The following ZNRF1 variants were observed in gnomAD, a reference collection of about 807,000 sequenced individuals.
The protein encoded by ZNRF1 is zinc and ring finger 1, also known as E3 ubiquitin-protein ligase ZNRF1.
Under a neutral mutation model 18.4 loss-of-function variants are expected in ZNRF1, and 3 were observed. That is an observed-to-expected ratio of 0.16 (90% CI 0.07 to 0.42). The LOEUF (loss-of-function observed/expected upper bound fraction) is 0.42, where lower values mean the gene tolerates loss of function less well. Among genes scored for constraint, ZNRF1 ranks in the 10% least tolerant of loss-of-function variants. The pLI is 0.99. For missense variants in ZNRF1, 310 were observed against 329.8 expected (o/e 0.94, Z 0.47); for synonymous variants, 157 against 144.2 (o/e 1.09, Z -0.64).
chr16:75,097,625 G>T (rs1430838470), intron 2 of ZNRF1, among the ~76,000 whole-genome samples: 1 of 152,106 alleles, frequency 6.6e-6, no homozygotes, highest in African/African-American at 2.4e-5. Context: ...TTTGAAACCA[G>T]CCTGGGCAAC....
intron 1 of ZNRF1, among the ~76,000 whole-genome samples, chr16:75,085,063 G>A (rs949724014): frequency 6.6e-6 from 1 of 152,072 alleles, no homozygotes; most frequent in South Asian, 2.1e-4. Context: ...TGCAGACAAT[G>A]AAATCTCAAA....
intron 1 of ZNRF1, among the ~76,000 whole-genome samples, chr16:75,012,052 A>T (rs998928085): frequency 6.6e-6 from 1 of 152,188 alleles, no homozygotes; most frequent in East Asian, 1.9e-4. Context: ...TCACCAGGGG[A>T]ATTTTTGGTA....
At chr16:75,042,500 G>A (rs1440721184) in intron 1 of ZNRF1, among the ~76,000 whole-genome samples, 1 of 99,622 alleles carries the variant, frequency 1.0e-5, no homozygotes, top group Non-Finnish European at 1.9e-5. Flanking sequence ...AACATCATTT[G>A]TTGAAAAGAC....
At chr16:75,040,989 AG>A (rs2035440980) in intron 1 of ZNRF1, among the ~76,000 whole-genome samples, 1 of 152,208 alleles carries the variant, frequency 6.6e-6, no homozygotes, top group Admixed American at 6.5e-5. Flanking sequence ...ATTGCTAAAT[AG>A]TATTCCATTA....
At chr16:75,075,373 C>T (rs900835304) in intron 1 of ZNRF1, among the ~76,000 whole-genome samples, 2 of 152,242 alleles carry the variant, frequency 1.3e-5, no homozygotes, top group Non-Finnish European at 2.9e-5. Flanking sequence ...ATCGGAACTG[C>T]GGGTTGGGCA....
chr16:75,059,225 CTTTCTTTTTTTTTTTT>C (rs1372128481), intron 1 of ZNRF1, among the ~76,000 whole-genome samples: 46 of 97,294 alleles, frequency 4.7e-4, no homozygotes, highest in African/African-American at 6.2e-4. Flanking sequence ...TTCCTTCTTT[CTTTCTTTTTTTTTTTT>C]TTTCTTTTTT....
intron 1 of ZNRF1, among the ~76,000 whole-genome samples, chr16:75,009,114 C>G (rs1200576898): frequency 1.3e-5 from 2 of 152,160 alleles, no homozygotes; most frequent in African/African-American, 4.8e-5. Context: ...AAGCATGATT[C>G]ACCACTTTTT....
intron 1 of ZNRF1, among the ~76,000 whole-genome samples, chr16:75,056,154 T>A (rs1179846481): frequency 6.6e-6 from 1 of 152,200 alleles, no homozygotes; most frequent in East Asian, 1.9e-4. Flanking sequence ...TTATATATAG[T>A]TTGAAGTTTA....
At chr16:75,069,221 C>T (rs1297833672) in intron 1 of ZNRF1, among the ~76,000 whole-genome samples, 2 of 152,134 alleles carry the variant, frequency 1.3e-5, no homozygotes, top group African/African-American at 4.8e-5. Context: ...ACATAGACAT[C>T]TCCAGTATGG....
intron 2 of ZNRF1, among the ~76,000 whole-genome samples, chr16:75,101,893 T>A (rs140269978): frequency 1.8e-4 from 27 of 152,356 alleles, no homozygotes; most frequent in Middle Eastern, 3.4e-3. Flanking sequence ...GTTCATCCAC[T>A]ACTTGCCATG....
At chr16:75,081,430 C>T (rs772590047) in intron 1 of ZNRF1, among the ~76,000 whole-genome samples, 2 of 152,182 alleles carry the variant, frequency 1.3e-5, no homozygotes, top group Non-Finnish European at 2.9e-5. Context: ...CCTGTTTTAC[C>T]TAGAGAGCAG....
chr16:75,046,233 A>G (rs1028372898), intron 1 of ZNRF1, among the ~76,000 whole-genome samples: 1 of 149,320 alleles, frequency 6.7e-6, no homozygotes, highest in African/African-American at 2.5e-5. Context: ...ATAGGCCTCA[A>G]TGAGTTGGGT....
chr16:75,087,022 G>T (rs2036082674), intron 1 of ZNRF1, among the ~76,000 whole-genome samples: 1 of 152,184 alleles, frequency 6.6e-6, no homozygotes, highest in Admixed American at 6.5e-5. Flanking sequence ...TGAGAAATCA[G>T]GTCTTAAAGG....
At chr16:75,051,865 A>C (rs568430159) in intron 1 of ZNRF1, among the ~76,000 whole-genome samples, 1 of 152,244 alleles carries the variant, frequency 6.6e-6, no homozygotes, top group East Asian at 1.9e-4. Context: ...CTATTCATCT[A>C]TCCACTCCTT....
chr16:75,073,168 A>G (rs1244930629), intron 1 of ZNRF1, among the ~76,000 whole-genome samples: 1 of 82,448 alleles, frequency 1.2e-5, no homozygotes, highest in African/African-American at 4.1e-5. Context: ...CTCTGTCTAT[A>G]TATATGTATA....
intron 1 of ZNRF1, among the ~76,000 whole-genome samples, chr16:75,035,316 G>C (rs924067245): frequency 2.0e-5 from 3 of 152,240 alleles, no homozygotes; most frequent in East Asian, 1.9e-4. Flanking sequence ...TTACAGGCGT[G>C]AGCCGCTGCA....
At chr16:75,066,659 T>C (rs985541713) in intron 1 of ZNRF1, among the ~76,000 whole-genome samples, 2 of 152,078 alleles carry the variant, frequency 1.3e-5, no homozygotes, top group African/African-American at 2.4e-5. Context: ...TGCGCCACCA[T>C]GCCCGGCTAA....
In ZNRF1 at chr16:74,999,382, C is replaced by G; in HGVS notation, c.-290C>G. 4.0e-6 allele frequency: 1 copy of G among 249,092 alleles called. No individual in the cohort carries two copies. The highest frequency in any genetic ancestry group is 7.6e-6 in the Non-Finnish European group (1 of 131,048). 15.4% of individuals were successfully genotyped at this position (249,092 alleles called of 1,614,324 possible). A position where few individuals can be genotyped will look rare whatever the true frequency, so the allele number is the denominator to read the frequency against. Reference sequence around the variant, plus strand: ...CCCGGCTTTCGGAGCCCGGGGGCGGCCTGTGGCGCGCGGAGCCCGCGCCGG... The same window carrying G: ...CCCGGCTTTCGGAGCCCGGGGGCGGGCTGTGGCGCGCGGAGCCCGCGCCGG... On this transcript the variant is annotated 5_prime_UTR_variant, in exon 1 of 5. Transcript: ENST00000335325.
intron 1 of ZNRF1, among the ~76,000 whole-genome samples, chr16:75,076,561 C>A (rs1296440230): frequency 1.3e-5 from 2 of 151,016 alleles, no homozygotes; most frequent in East Asian, 2.0e-4. Flanking sequence ...GACAGACTGA[C>A]TGACTTGATT....
Sources: gnomAD v4.1 joint callset for allele counts (sites outside exome capture counted in the v4.1 genomes callset) on GRCh38, gnomAD v4.1.1 for gene constraint, MANE v1.5 for transcripts, NCBI Gene and HGNC (gene_info 2026-07-23, HGNC 2026-07-21) for gene names.